Variants in FILIP1L observed in about 807,000 individuals in gnomAD.
FILIP1L encodes the protein filamin A-interacting protein 1-like.
A neutral mutation model predicts 96.6 loss-of-function variants in FILIP1L; 55 were observed. The observed-to-expected ratio is 0.57, with a 90% CI of 0.46 to 0.71. The LOEUF is 0.71. Ranked by LOEUF, FILIP1L falls within the 30% of genes least tolerant of loss-of-function variation. The probability of loss-of-function intolerance (pLI) is 0.00; values close to 1 mark genes in which losing one functional copy is unlikely to be tolerated. For missense variants in FILIP1L, 1,304 were observed against 1,321.2 expected (o/e 0.99, Z 0.20); for synonymous variants, 467 against 473.9 (o/e 0.99, Z 0.19).
At chr3:99,925,950 A>T in intron 3 of FILIP1L, 1 of 897,764 alleles carries the variant, frequency 1.1e-6, no homozygotes, top group Non-Finnish European at 1.3e-6. Context: ...CTAACTCGGG[A>T]TCTTTTGCTA....
chr3:100,024,515 G>T (rs141902553), intron 1 of FILIP1L, among the ~76,000 whole-genome samples: 1 of 152,048 alleles, frequency 6.6e-6, no homozygotes, highest in Non-Finnish European at 1.5e-5. Flanking sequence ...ACTATTCAAT[G>T]TACCTTTCAT....
In FILIP1L at chr3:99,994,584, T is replaced by G. The variant is rs187949345; in HGVS notation, c.-10-63554A>C. ...CTAGAAATCAATACAAGAGGAACTT[T>G]GGAACCTATACAAATACATGGAAAT... On this transcript the variant is annotated intron_variant, in intron 1 of 5. Coordinates refer to ENST00000477258, the MANE Select transcript of FILIP1L (RefSeq NM_001387850.1). Among the ~76,000 whole-genome samples, 235 of 152,296 alleles carry G rather than the reference T, an allele frequency of 1.5e-3. 1 individual carries two copies. Among genetic ancestry groups the G allele is most frequent in the African/African-American group, 5.5e-3 (230 of 41,572 alleles).
At chr3:99,962,800 C>G (rs773564638) in intron 1 of FILIP1L, among the ~76,000 whole-genome samples, 1 of 152,140 alleles carries the variant, frequency 6.6e-6, no homozygotes, top group Non-Finnish European at 1.5e-5. Context: ...TTGGCTGCAG[C>G]CCCTAAGAAC....
intron 4 of FILIP1L, among the ~76,000 whole-genome samples, chr3:99,911,420 A>G (rs944267078): frequency 1.3e-5 from 2 of 151,756 alleles, no homozygotes; most frequent in Non-Finnish European, 2.9e-5. Context: ...CAAGGCCTGT[A>G]TACACTCTAG....
intron 5 of FILIP1L, chr3:99,833,335 C>T: frequency 7.6e-7 from 1 of 1,309,132 alleles, no homozygotes; most frequent in Non-Finnish European, 1.1e-6. Context: ...TTTGTTTTAT[C>T]CATAGATTCT....
intron 1 of FILIP1L, among the ~76,000 whole-genome samples, chr3:100,006,761 T>C (rs1375346028): frequency 1.3e-5 from 2 of 152,170 alleles, no homozygotes; most frequent in Non-Finnish European, 2.9e-5. Context: ...CTTACTCTGT[T>C]TTGAATCAGA....
At chr3:99,992,843 G>A (rs9873709) in intron 1 of FILIP1L, among the ~76,000 whole-genome samples, 32,695 of 151,892 alleles carry the variant, frequency 0.22, 3,612 homozygotes, top group South Asian at 0.26. Flanking sequence ...ATTTTTGTAT[G>A]TGGTAAGAAG....
intron 1 of FILIP1L, among the ~76,000 whole-genome samples, chr3:100,107,445 G>A (rs891321196): frequency 2.6e-5 from 4 of 152,106 alleles, no homozygotes; most frequent in African/African-American, 9.7e-5. Flanking sequence ...TGAGAGTGAT[G>A]AATCCACGGG....
chr3:100,108,978 C>T (rs1404450772), intron 1 of FILIP1L, among the ~76,000 whole-genome samples: 2 of 151,536 alleles, frequency 1.3e-5, no homozygotes, highest in African/African-American at 4.9e-5. Flanking sequence ...GAGTTTATTG[C>T]GTAGTTTTTG....
intron 3 of FILIP1L, among the ~76,000 whole-genome samples, chr3:99,926,478 G>C (rs572731394): frequency 1.3e-5 from 2 of 152,338 alleles, no homozygotes; most frequent in Admixed American, 1.3e-4. Flanking sequence ...AAACATTAGA[G>C]TCCATTGTAA....
chr3:100,066,592 C>T (rs1199992572), intron 1 of FILIP1L, among the ~76,000 whole-genome samples: 1 of 70,900 alleles, frequency 1.4e-5, no homozygotes, highest in Non-Finnish European at 2.7e-5. Context: ...AGTGCAGTGG[C>T]GGGATCTCGG....
intron 1 of FILIP1L, among the ~76,000 whole-genome samples, chr3:99,957,775 G>GATA (rs1708376757): frequency 7.4e-6 from 1 of 134,392 alleles, no homozygotes; most frequent in Non-Finnish European, 1.5e-5. Context: ...TCCATTCAGT[G>GATA]ATATAAAGCA....
rs1274111225 is a variant in FILIP1L, at chr3:99,829,282, G to T, written c.*1132C>A. Among the ~76,000 whole-genome samples the T allele has an allele frequency of 1.3e-5, 2 of 152,010 alleles. No homozygotes were observed. The highest frequency in any genetic ancestry group is 2.4e-5 in the African/African-American group (1 of 41,366). ...TGAAATGTTTTTTGAACTGCCTTTT[G>T]TGTCAAACATGCCTTGTCTTAAAAT... On this transcript the variant is annotated 3_prime_UTR_variant, in exon 6 of 6. Coordinates refer to ENST00000477258, the MANE Select transcript of FILIP1L (RefSeq NM_001387850.1).
chr3:99,934,286 G>T (rs899984197), intron 1 of FILIP1L, among the ~76,000 whole-genome samples: 4 of 152,208 alleles, frequency 2.6e-5, no homozygotes, highest in Non-Finnish European at 2.9e-5. Context: ...GGAATTAACT[G>T]CAGCCATCTT....
chr3:99,870,259 G>A (rs1175510193), intron 4 of FILIP1L, among the ~76,000 whole-genome samples: 1 of 152,146 alleles, frequency 6.6e-6, no homozygotes, highest in Non-Finnish European at 1.5e-5. Context: ...GTAGAACTCT[G>A]ATTTATCCAC....
chr3:99,852,676 C>T (rs1381990751), intron 4 of FILIP1L, among the ~76,000 whole-genome samples: 6 of 152,030 alleles, frequency 3.9e-5, no homozygotes, highest in Non-Finnish European at 8.8e-5. Context: ...GATCTCCTGA[C>T]CTTGTGATCC....
At chr3:100,051,480 A>G (rs1307886515) in intron 1 of FILIP1L, among the ~76,000 whole-genome samples, 1 of 149,666 alleles carries the variant, frequency 6.7e-6, no homozygotes, top group African/African-American at 2.4e-5. Flanking sequence ...AACATTAGGT[A>G]TATCTCCTAA....
chr3:99,849,545 T>C lies in FILIP1L; in HGVS notation c.2131A>G (p.Lys711Glu). The change falls in exon 5 of 6, where the codon AAG becomes GAG. Residue 711 changes from lysine to glutamate, a missense_variant. By Grantham distance (56) the Lys-to-Glu change is moderately conservative (BLOSUM62 1). Coordinates refer to ENST00000477258, the MANE Select transcript of FILIP1L (RefSeq NM_001387850.1). ...LFKRLQEEEA[K>E]SGHLSREVDA... Reference sequence around the variant, plus strand: ...ACTTCTCTTGAGAGGTGCCCTGACTTAGCTTCTTCTTCTTGAAGCCTTTTG... The same window carrying C: ...ACTTCTCTTGAGAGGTGCCCTGACTCAGCTTCTTCTTCTTGAAGCCTTTTG... 1 of 1,613,476 alleles carries C rather than the reference T, an allele frequency of 6.2e-7. No individual in the cohort carries two copies. Among genetic ancestry groups the C allele is most frequent in the Non-Finnish European group, 8.5e-7 (1 of 1,179,912 alleles).
intron 1 of FILIP1L, among the ~76,000 whole-genome samples, chr3:99,948,149 A>G (rs1708064926): frequency 6.6e-6 from 1 of 152,186 alleles, no homozygotes; most frequent in African/African-American, 2.4e-5. Flanking sequence ...AGTGCATTAG[A>G]AACATGGTTA....
Sources: gnomAD v4.1 joint callset for allele counts (sites outside exome capture counted in the v4.1 genomes callset) on GRCh38, gnomAD v4.1.1 for gene constraint, MANE v1.5 for transcripts, NCBI Gene and HGNC (gene_info 2026-07-23, HGNC 2026-07-21) for gene names.